Variants in COL23A1 observed in about 807,000 individuals in gnomAD.
COL23A1 encodes collagen type XXIII alpha 1 chain, also known as collagen alpha-1(XXIII) chain.
Under a neutral mutation model 99.3 loss-of-function variants are expected in COL23A1, and 97 were observed. The observed-to-expected ratio is 0.98, with a 90% CI of 0.83 to 1.16. The LOEUF (loss-of-function observed/expected upper bound fraction) is 1.16. Among genes scored for constraint, COL23A1 ranks in the 50% most tolerant of loss-of-function variants. The pLI, the probability that COL23A1 is intolerant of heterozygous loss-of-function variation, is 0.00. For missense variants in COL23A1, 762 were observed against 757.4 expected, an observed-to-expected ratio of 1.01 and a Z score of -0.07; for synonymous variants, 320 against 308.2, an observed-to-expected ratio of 1.04 and a Z score of -0.40.
chr5:178,390,895 C>T (rs182392878), intron 2 of COL23A1, among the ~76,000 whole-genome samples: 14 of 152,232 alleles, frequency 9.2e-5, no homozygotes, highest in Admixed American at 2.6e-4. Flanking sequence ...AATATGACAC[C>T]GAAAGCATAA....
intron 2 of COL23A1, among the ~76,000 whole-genome samples, chr5:178,481,695 A>C (rs1057034211): frequency 4.6e-5 from 7 of 152,106 alleles, no homozygotes; most frequent in African/African-American, 1.2e-4. Flanking sequence ...CCATTAGTAT[A>C]GCTATGATTA....
At chr5:178,315,423 T>C (rs1442476405) in intron 2 of COL23A1, among the ~76,000 whole-genome samples, 1 of 152,192 alleles carries the variant, frequency 6.6e-6, no homozygotes, top group African/African-American at 2.4e-5. Flanking sequence ...ATGTACAAGA[T>C]TGGCCCCATT....
intron 2 of COL23A1, among the ~76,000 whole-genome samples, chr5:178,447,196 C>T (rs910220986): frequency 3.9e-5 from 6 of 151,952 alleles, no homozygotes; most frequent in East Asian, 1.9e-4. Context: ...CAGGTTCAAG[C>T]GACTCTCCTG....
rs566535242 is a variant in COL23A1, at chr5:178,431,123, C to G, written c.362-124204G>C. 5.9e-5 allele frequency among the ~76,000 whole-genome samples: 9 copies of G among 152,212 alleles called. No individual in the cohort carries two copies. The South Asian group carries it at 1.9e-3, about 32-fold the overall frequency. ...GGAGCACCGCCAGCTTATGGGATGG[C>G]AAGTGGGTGGGCTGAGGATGCTGAA... On this transcript the variant is annotated intron_variant, in intron 2 of 28. Coordinates refer to ENST00000390654, the MANE Select transcript of COL23A1 (RefSeq NM_173465.4).
intron 2 of COL23A1, among the ~76,000 whole-genome samples, chr5:178,364,280 C>A (rs1269713702): frequency 6.6e-6 from 1 of 150,862 alleles, no homozygotes; most frequent in Non-Finnish European, 1.5e-5. Context: ...GCCTGGCCCC[C>A]GCCCCTTACA....
intron 3 of COL23A1, 151 bp from the exon 4 acceptor site, chr5:178,290,520 G>C (rs147875236): frequency 9.7e-7 from 1 of 1,032,540 alleles, no homozygotes; most frequent in Non-Finnish European, 1.5e-6. Context: ...TTCCTGCCAC[G>C]GCCTGAAGCT....
At chr5:178,291,887 G>C (rs114021358) in intron 3 of COL23A1, among the ~76,000 whole-genome samples, 1,587 of 152,194 alleles carry the variant, frequency 0.01, 33 homozygotes, top group African/African-American at 0.036. Context: ...ATGACATGGG[G>C]GACAGTGCTT....
At position 178,313,440 on chromosome 5, in the gene COL23A1, C is replaced by T. The variant is rs1423498296; in HGVS notation, c.362-6521G>A. Among the ~76,000 whole-genome samples, 1 of 152,212 alleles carries T rather than the reference C, an allele frequency of 6.6e-6. No homozygotes were observed. Among genetic ancestry groups the T allele is most frequent in the African/African-American group, 2.4e-5 (1 of 41,456 alleles). On this transcript the variant is annotated intron_variant, in intron 2 of 28. Transcript: ENST00000390654. This position sits in a 1 kb window ranked among gnomAD's most constrained non-coding sequence, Gnocchi z 4.2. ...CCCTGAGCGAGGCTGTGAGCCGGGC[C>T]GTCCTGATGGAGACTGTGGGGATGC...
At chr5:178,267,026 T>C (rs1404806328) in intron 8 of COL23A1, among the ~76,000 whole-genome samples, 1 of 152,196 alleles carries the variant, frequency 6.6e-6, no homozygotes, top group Admixed American at 6.5e-5. Flanking sequence ...GGACGCTGTC[T>C]CCAGTCTGGG....
At position 178,269,795 on chromosome 5, in the gene COL23A1, G is replaced by GCATC. The variant is rs112165051; in HGVS notation, c.468+538_468+541dup. Among the ~76,000 whole-genome samples the GCATC allele has an allele frequency of 6.9e-3, 987 of 142,028 alleles. 7 individuals are homozygous for GCATC. The highest frequency in any genetic ancestry group is 0.018 in the African/African-American group (690 of 38,374). The allele number at this position is 142,028 out of a possible 152,430, so 93.2% of individuals were successfully genotyped here. A position where few individuals can be genotyped will look rare whatever the true frequency, so the allele number is the denominator to read the frequency against. ...ATCCATCCATCCATCTATCCAGTCA[G>GCATC]CATCCATCCATCCATCCATCCATCC... On this transcript the variant is annotated intron_variant, in intron 6 of 28. Coordinates refer to ENST00000390654, the MANE Select transcript of COL23A1 (RefSeq NM_173465.4).
At chr5:178,298,977 T>C (rs1757893680) in intron 3 of COL23A1, among the ~76,000 whole-genome samples, 2 of 152,262 alleles carry the variant, frequency 1.3e-5, no homozygotes, top group Non-Finnish European at 2.9e-5. Flanking sequence ...ACTGCATTGA[T>C]TGATTTTGGA....
intron 2 of COL23A1, among the ~76,000 whole-genome samples, chr5:178,356,293 T>C (rs2127687733): frequency 6.6e-6 from 1 of 152,304 alleles, no homozygotes; most frequent in East Asian, 1.9e-4. Context: ...GGCTGCACAA[T>C]TCTGAACACA....
At chr5:178,327,886 C>T (rs972159125) in intron 2 of COL23A1, among the ~76,000 whole-genome samples, 2 of 152,200 alleles carry the variant, frequency 1.3e-5, no homozygotes, top group African/African-American at 4.8e-5. Context: ...ACAAGCTGCT[C>T]TCCCTGTGTG....
At chr5:178,519,664 A>ATGTT (rs1562048145) in intron 2 of COL23A1, among the ~76,000 whole-genome samples, 1 of 152,220 alleles carries the variant, frequency 6.6e-6, no homozygotes. Flanking sequence ...GTGTTAAAGG[A>ATGTT]TGTTTGTCTC....
At chr5:178,282,052 C>CAAA (rs70994994) in intron 5 of COL23A1, among the ~76,000 whole-genome samples, 2 of 98,684 alleles carry the variant, frequency 2.0e-5, no homozygotes, top group Non-Finnish European at 4.2e-5. Context: ...ACACTGTCTC[C>CAAA]AAAAAAAAAA....
At chr5:178,342,474 T>C (rs56187748) in intron 2 of COL23A1, among the ~76,000 whole-genome samples, 16,194 of 152,250 alleles carry the variant, frequency 0.11, 934 homozygotes, top group Middle Eastern at 0.19. Flanking sequence ...AAAGGCCCCC[T>C]TGATACCTGC....
intron 2 of COL23A1, among the ~76,000 whole-genome samples, chr5:178,549,758 TGAGCCGA>T (rs1481111015): frequency 1.3e-5 from 2 of 152,154 alleles, no homozygotes; most frequent in Non-Finnish European, 2.9e-5. Context: ...GAGGTTGCAG[TGAGCCGA>T]GATTGCACCA....
intron 2 of COL23A1, among the ~76,000 whole-genome samples, chr5:178,530,533 G>A (rs925213537): frequency 2.0e-5 from 3 of 152,192 alleles, no homozygotes; most frequent in African/African-American, 4.8e-5. Flanking sequence ...TTCTAATGAA[G>A]AGAAAGTGAC....
chr5:178,470,870 G>C (rs2672832), intron 2 of COL23A1, among the ~76,000 whole-genome samples: 123,662 of 152,190 alleles, frequency 0.81, 51,236 homozygotes, highest in Non-Finnish European at 0.9. Context: ...CTGTGTGAAG[G>C]CTGCTGCGGT....
Sources: gnomAD v4.1 joint callset for allele counts (sites outside exome capture counted in the v4.1 genomes callset) on GRCh38, gnomAD v4.1.1 for gene constraint, Gnocchi (gnomAD v3.1) non-coding constraint, MANE v1.5 for transcripts, NCBI Gene and HGNC (gene_info 2026-07-23, HGNC 2026-07-21) for gene names.